LRMDA: variants seen among roughly 807,000 people sequenced by gnomAD.
The protein encoded by LRMDA is leucine rich melanocyte differentiation associated, also known as leucine-rich melanocyte differentiation-associated protein.
Under a neutral mutation model 29.8 loss-of-function variants are expected in LRMDA, and 18 were observed. The observed-to-expected ratio is 0.60, with a 90% confidence interval of 0.42 to 0.90. The LOEUF (loss-of-function observed/expected upper bound fraction) is 0.90. Among genes scored for constraint, LRMDA ranks in the 40% least tolerant of loss-of-function variants. The pLI is 0.00. For synonymous variants in LRMDA, 125 were observed against 109.4 expected, an observed-to-expected ratio of 1.14 and a Z score of -0.89; for missense variants, 273 against 273.9, an observed-to-expected ratio of 1.00 and a Z score of 0.02.
At chr10:76,279,539 C>CTTTTTT (rs759651873) in intron 5 of LRMDA, among the ~76,000 whole-genome samples, 117 of 93,804 alleles carry the variant, frequency 1.2e-3, no homozygotes, top group African/African-American at 4.3e-3. Context: ...ACAAATGCTT[C>CTTTTTT]TTTTTTTTTT....
At chr10:75,477,378 C>A (rs1844808349) in intron 2 of LRMDA, among the ~76,000 whole-genome samples, 1 of 152,150 alleles carries the variant, frequency 6.6e-6, no homozygotes, top group South Asian at 2.1e-4. Flanking sequence ...CTGCAACATA[C>A]AAATTTCTTT....
chr10:76,390,393 C>T (rs1841708660), intron 6 of LRMDA, among the ~76,000 whole-genome samples: 1 of 151,498 alleles, frequency 6.6e-6, no homozygotes, highest in Non-Finnish European at 1.5e-5. Context: ...TAGGAAGTTG[C>T]ACTAAACTAG....
intron 2 of LRMDA, among the ~76,000 whole-genome samples, chr10:75,645,235 A>C (rs2132122335): frequency 6.6e-6 from 1 of 152,352 alleles, no homozygotes; most frequent in South Asian, 2.1e-4. Flanking sequence ...TACCCGCCTC[A>C]GTCTCCCAAA....
chr10:76,064,404 T>A (rs1848751211), intron 5 of LRMDA, among the ~76,000 whole-genome samples: 1 of 152,172 alleles, frequency 6.6e-6, no homozygotes, highest in Non-Finnish European at 1.5e-5. Context: ...ATTAGGGCTT[T>A]TAGGAAGTAA....
chr10:75,450,432 A>G (rs1401940623), intron 2 of LRMDA: 2 of 151,850 alleles, frequency 1.3e-5, no homozygotes, highest in African/African-American at 4.8e-5. Flanking sequence ...GAAATAAGAG[A>G]CGGGTAGAAC....
intron 2 of LRMDA, among the ~76,000 whole-genome samples, chr10:75,732,751 C>G (rs912819684): frequency 6.6e-6 from 1 of 152,184 alleles, no homozygotes; most frequent in Non-Finnish European, 1.5e-5. Flanking sequence ...TATTGGTTGA[C>G]TTTTGTAGGA....
chr10:76,360,584 CT>C (rs1448727917), intron 6 of LRMDA, among the ~76,000 whole-genome samples: 2 of 152,184 alleles, frequency 1.3e-5, no homozygotes, highest in Non-Finnish European at 2.9e-5. Flanking sequence ...ATATAGCTTC[CT>C]GAAAGGTTTA....
intron 5 of LRMDA, among the ~76,000 whole-genome samples, chr10:76,300,315 C>T (rs1169220221): frequency 6.6e-6 from 1 of 152,164 alleles, no homozygotes; most frequent in Non-Finnish European, 1.5e-5. Flanking sequence ...CATTTGGGGA[C>T]ACTCTGGGTT....
intron 6 of LRMDA, among the ~76,000 whole-genome samples, chr10:76,481,012 G>T (rs1311075986): frequency 6.6e-6 from 1 of 151,704 alleles, no homozygotes. Context: ...TTATATTTTT[G>T]GATCAATTTA....
intron 5 of LRMDA, among the ~76,000 whole-genome samples, chr10:76,175,207 G>C (rs1433618531): frequency 1.3e-5 from 2 of 152,232 alleles, no homozygotes; most frequent in Non-Finnish European, 2.9e-5. Flanking sequence ...CATGGTGGCT[G>C]TGGTGGTAGT....
intron 5 of LRMDA, among the ~76,000 whole-genome samples, chr10:76,155,050 A>T (rs558199656): frequency 1.3e-5 from 2 of 152,356 alleles, no homozygotes; most frequent in East Asian, 3.9e-4. Context: ...TCCCATCAAA[A>T]AAAACCTAGC....
intron 2 of LRMDA, among the ~76,000 whole-genome samples, chr10:75,671,344 G>T (rs751255724): frequency 1.3e-5 from 2 of 152,040 alleles, no homozygotes; most frequent in Non-Finnish European, 2.9e-5. Context: ...CAAGACTCTT[G>T]GTCATAACCC....
At chr10:76,539,991 C>T (rs1308879582) in intron 6 of LRMDA, among the ~76,000 whole-genome samples, 2 of 152,004 alleles carry the variant, frequency 1.3e-5, no homozygotes, top group Non-Finnish European at 2.9e-5. Flanking sequence ...TGTTCACACA[C>T]ACACACACAC....
chr10:76,540,360 A>G (rs1019342739), intron 6 of LRMDA, among the ~76,000 whole-genome samples: 5 of 152,254 alleles, frequency 3.3e-5, no homozygotes, highest in African/African-American at 1.2e-4. Flanking sequence ...GTCACGTATT[A>G]CTGGTTATTT....
intron 4 of LRMDA, among the ~76,000 whole-genome samples, chr10:76,054,245 T>C (rs968405718): frequency 6.6e-6 from 1 of 152,094 alleles, no homozygotes; most frequent in African/African-American, 2.4e-5. Context: ...CTAGTGTCCC[T>C]CACACCTCTC....
At chr10:75,644,123 T>C (rs956060795) in intron 2 of LRMDA, among the ~76,000 whole-genome samples, 1 of 152,210 alleles carries the variant, frequency 6.6e-6, no homozygotes, top group African/African-American at 2.4e-5. Context: ...GGAACACTTG[T>C]AGCTTCCCTC....
At chr10:76,544,012 C>T (rs1293289609) in intron 6 of LRMDA, among the ~76,000 whole-genome samples, 3 of 152,134 alleles carry the variant, frequency 2.0e-5, no homozygotes, top group African/African-American at 7.2e-5. Flanking sequence ...GCTGCCCCAC[C>T]GCCTGCATTA....
At chr10:75,955,236 A>G (rs1218244871) in intron 2 of LRMDA, among the ~76,000 whole-genome samples, 1 of 152,216 alleles carries the variant, frequency 6.6e-6, no homozygotes, top group Non-Finnish European at 1.5e-5. Context: ...TTTAAAATTC[A>G]GAATTGCTGA....
intron 6 of LRMDA, among the ~76,000 whole-genome samples, chr10:76,385,396 C>T (rs1841647186): frequency 6.6e-6 from 1 of 152,160 alleles, no homozygotes; most frequent in Non-Finnish European, 1.5e-5. Flanking sequence ...CAGAATGCCT[C>T]ATCACAGGTC....
Sources: allele counts gnomAD v4.1 joint callset (sites outside exome capture counted in the v4.1 genomes callset), GRCh38; gene constraint gnomAD v4.1.1; transcripts MANE v1.5; gene names NCBI Gene and HGNC (gene_info 2026-07-23, HGNC 2026-07-21).